Variants in DCC observed in about 807,000 individuals in gnomAD.
The protein encoded by DCC is netrin receptor DCC.
Under a neutral mutation model 172.5 loss-of-function variants are expected in DCC, and 58 were observed. The ratio of observed to expected loss-of-function variants is 0.34; its 90% CI spans 0.27 to 0.42. The LOEUF (loss-of-function observed/expected upper bound fraction) is 0.42. Among genes scored for constraint, DCC ranks in the 10% least tolerant of loss-of-function variants. The pLI, the probability that DCC is intolerant of heterozygous loss-of-function variation, is 1.00. For missense variants in DCC, 1,740 were observed against 1,791.0 expected (o/e 0.97, Z 0.51); for synonymous variants, 709 against 644.5 (o/e 1.10, Z -1.52).
chr18:53,524,246 TA>T (rs2046431194), intron 27 of DCC, among the ~76,000 whole-genome samples: 1 of 151,940 alleles, frequency 6.6e-6, no homozygotes, highest in South Asian at 2.1e-4. Context: ...ACACCATAAA[TA>T]TATACTGTTT....
chr18:52,698,125 G>T (rs945016320), intron 1 of DCC, among the ~76,000 whole-genome samples: 19 of 152,292 alleles, frequency 1.2e-4, no homozygotes, highest in Admixed American at 1.2e-3. Context: ...TTTATTTAAT[G>T]AAATCTTTTA....
intron 1 of DCC, among the ~76,000 whole-genome samples, chr18:52,387,607 C>CTTCCTTCA (rs1985860353): frequency 6.7e-6 from 1 of 150,292 alleles, no homozygotes; most frequent in African/African-American, 2.5e-5. Context: ...TCCTTCCTTC[C>CTTCCTTCA]TTCCTTCCTT....
chr18:52,687,714 A>T (rs1301122117), intron 1 of DCC, among the ~76,000 whole-genome samples: 1 of 152,176 alleles, frequency 6.6e-6, no homozygotes, highest in Non-Finnish European at 1.5e-5. Flanking sequence ...TTAAAACTCA[A>T]AGCCAAATAT....
At chr18:53,305,486 T>G (rs2057189147) in intron 12 of DCC, 92 bp from the exon 13 acceptor site, 1 of 1,067,708 alleles carries the variant, frequency 9.4e-7, no homozygotes, top group South Asian at 1.3e-5. Context: ...GCTTCTCTGC[T>G]TTCTTCACAC....
At chr18:52,543,223 G>A (rs1310321115) in intron 1 of DCC, among the ~76,000 whole-genome samples, 1 of 152,176 alleles carries the variant, frequency 6.6e-6, no homozygotes, top group East Asian at 1.9e-4. Flanking sequence ...AAAAGTAGAA[G>A]AAATAGATTA....
In DCC at chr18:53,535,608, T is replaced by C. The variant is rs1192356676; in HGVS notation, c.*4955T>C. On this transcript the variant is annotated 3_prime_UTR_variant, in exon 29 of 29. Transcript: ENST00000442544. ...TTTTGTTGTTACAAAACACCTTTTT[T>C]AACAAAAAGGTATTTTGAGCCTACA... 1 of 152,152 alleles carries C rather than the reference T, an allele frequency of 6.6e-6. No individual in the cohort carries two copies. Among genetic ancestry groups the C allele is most frequent in the Non-Finnish European group, 1.5e-5 (1 of 68,024 alleles). The allele number at this position is 152,152 out of a possible 1,614,324, so 9.4% of individuals were successfully genotyped here. A position where few individuals can be genotyped will look rare whatever the true frequency, so the allele number is the denominator to read the frequency against.
intron 1 of DCC, among the ~76,000 whole-genome samples, chr18:52,528,560 C>G (rs945310355): frequency 6.6e-6 from 1 of 152,082 alleles, no homozygotes; most frequent in East Asian, 1.9e-4. Flanking sequence ...ACCTCAGGAA[C>G]TGGGCAGACA....
chr18:52,388,002 G>A (rs904323746), intron 1 of DCC, among the ~76,000 whole-genome samples: 43 of 152,148 alleles, frequency 2.8e-4, no homozygotes, highest in African/African-American at 9.6e-4. Context: ...CATGGCACAT[G>A]CATCCATGGG....
At chr18:53,327,065 C>A (rs2057476064) in intron 14 of DCC, among the ~76,000 whole-genome samples, 1 of 152,204 alleles carries the variant, frequency 6.6e-6, no homozygotes. Context: ...AAGGAAACCC[C>A]TGCCTCCTGT....
intron 1 of DCC, among the ~76,000 whole-genome samples, chr18:52,423,080 C>T (rs1339690904): frequency 2.0e-5 from 3 of 152,140 alleles, no homozygotes; most frequent in Admixed American, 6.6e-5. Flanking sequence ...CACCTGGATT[C>T]ATTCACCTAT....
chr18:53,298,576 C>CT (rs2057097219), intron 12 of DCC, among the ~76,000 whole-genome samples: 1 of 140,904 alleles, frequency 7.1e-6, no homozygotes, highest in Admixed American at 7.2e-5. Flanking sequence ...GAAGGTCACT[C>CT]AGCAAAGTCA....
chr18:53,311,857 T>C (rs117887410), intron 13 of DCC, among the ~76,000 whole-genome samples: 1 of 152,320 alleles, frequency 6.6e-6, no homozygotes, highest in Non-Finnish European at 1.5e-5. Context: ...TCAAACCTAA[T>C]ACTGCCTGAA....
intron 12 of DCC, among the ~76,000 whole-genome samples, chr18:53,247,065 A>G (rs907861733): frequency 1.3e-5 from 2 of 152,094 alleles, no homozygotes; most frequent in Admixed American, 6.6e-5. Context: ...AGAATAGAGC[A>G]TTACACTTCT....
intron 1 of DCC, among the ~76,000 whole-genome samples, chr18:52,730,473 T>C (rs2036621147): frequency 6.6e-6 from 1 of 152,204 alleles, no homozygotes; most frequent in Non-Finnish European, 1.5e-5. Flanking sequence ...GAAATACCTA[T>C]ATATCACCAT....
intron 2 of DCC, among the ~76,000 whole-genome samples, chr18:52,802,328 G>A (rs1187334564): frequency 6.6e-6 from 1 of 151,918 alleles, no homozygotes; most frequent in Admixed American, 6.6e-5. Context: ...ATCAAGATTA[G>A]GCTACAGAAG....
At chr18:52,456,453 A>G (rs1359030669) in intron 1 of DCC, among the ~76,000 whole-genome samples, 1 of 152,140 alleles carries the variant, frequency 6.6e-6, no homozygotes, top group African/African-American at 2.4e-5. Context: ...AGATATAGTA[A>G]AGGTTATTCA....
Position 52,496,262 on chromosome 18 carries a change from A to AT in DCC, c.91+155389dup, listed in dbSNP as rs552351596. ...TTTAGCTTATAATATTCATATTCAT[A>AT]TTTTTGTGCTGCAGTTAGCAATCAA... is the stretch of plus-strand genomic sequence containing the variant. On this transcript the variant is annotated intron_variant, in intron 1 of 28. Coordinates refer to ENST00000442544, the MANE Select transcript of DCC (RefSeq NM_005215.4). Among the ~76,000 whole-genome samples, 22 of 152,296 alleles carry AT rather than the reference A, an allele frequency of 1.4e-4. No homozygotes were observed. The South Asian group carries it at 4.6e-3, about 32-fold the overall frequency.
chr18:52,598,329 A>T (rs141074946), intron 1 of DCC, among the ~76,000 whole-genome samples: 1 of 152,198 alleles, frequency 6.6e-6, no homozygotes, highest in Non-Finnish European at 1.5e-5. Context: ...TTTTCATTCA[A>T]GACCCCTGAT....
intron 1 of DCC, among the ~76,000 whole-genome samples, chr18:52,427,828 C>CTTCT (rs1485986326): frequency 2.6e-5 from 1 of 39,114 alleles, no homozygotes; most frequent in African/African-American, 6.2e-5. Context: ...TCCTTCCTTC[C>CTTCT]TTCCTTTCTT....
Sources: allele counts gnomAD v4.1 joint callset (sites outside exome capture counted in the v4.1 genomes callset), GRCh38; gene constraint gnomAD v4.1.1; transcripts MANE v1.5; gene names NCBI Gene and HGNC (gene_info 2026-07-23, HGNC 2026-07-21).